RFTN2: variants seen among roughly 807,000 people sequenced by gnomAD.
RFTN2 encodes raftlin family member 2.
A neutral mutation model predicts 52.7 loss-of-function variants in RFTN2; 34 were observed. The observed-to-expected ratio is 0.64, with a 90% confidence interval of 0.49 to 0.86. The LOEUF is 0.86. Ranked by LOEUF, RFTN2 falls within the 40% of genes least tolerant of loss-of-function variation. RFTN2 has a pLI of 0.00. For missense variants in RFTN2, 536 were observed against 600.1 expected, an observed-to-expected ratio of 0.89 and a Z score of 1.12; for synonymous variants, 203 against 217.7, an observed-to-expected ratio of 0.93 and a Z score of 0.59.
At chr2:197,671,338 A>G (rs2089144526) in intron 1 of RFTN2, among the ~76,000 whole-genome samples, 1 of 152,212 alleles carries the variant, frequency 6.6e-6, no homozygotes. Context: ...TTAAAGTCCT[A>G]ACTCTAGTTC....
At chr2:197,629,675 TACACAC>T (rs60384360) in intron 5 of RFTN2, among the ~76,000 whole-genome samples, 208 of 146,600 alleles carry the variant, frequency 1.4e-3, no homozygotes, top group Middle Eastern at 3.4e-3. Context: ...TTAATTTTTA[TACACAC>T]ACACACACAC....
At chr2:197,614,705 G>A (rs1328578539) in intron 7 of RFTN2, among the ~76,000 whole-genome samples, 1 of 152,220 alleles carries the variant, frequency 6.6e-6, no homozygotes, top group African/African-American at 2.4e-5. Flanking sequence ...GTTTGAGCAT[G>A]CAGAGGGTGA....
At chr2:197,670,688 A>G (rs2089133086) in intron 1 of RFTN2, among the ~76,000 whole-genome samples, 1 of 151,964 alleles carries the variant, frequency 6.6e-6, no homozygotes, top group Non-Finnish European at 1.5e-5. Flanking sequence ...AAAAAAATCT[A>G]TTTCAATTCC....
chr2:197,583,897 G>A (rs529304355), intron 8 of RFTN2, among the ~76,000 whole-genome samples: 7 of 152,022 alleles, frequency 4.6e-5, no homozygotes, highest in Admixed American at 6.6e-5. Context: ...TTGTCCCTGC[G>A]ATAGTTTACT....
chr2:197,594,880 T>A (rs1407268014), intron 8 of RFTN2, among the ~76,000 whole-genome samples: 8 of 152,274 alleles, frequency 5.3e-5, no homozygotes, highest in Non-Finnish European at 1.2e-4. Context: ...ACAGTCAATC[T>A]AGCTCTTTGA....
chr2:197,602,067 A>T (rs1419554970), intron 7 of RFTN2, among the ~76,000 whole-genome samples: 8 of 151,806 alleles, frequency 5.3e-5, no homozygotes, highest in African/African-American at 1.9e-4. Context: ...TCTTTTTTTT[A>T]TTATTATTAT....
chr2:197,650,186 G>C (rs551505921), intron 1 of RFTN2, among the ~76,000 whole-genome samples: 7 of 151,988 alleles, frequency 4.6e-5, no homozygotes, highest in Non-Finnish European at 1.0e-4. Context: ...CAGTTCAGTA[G>C]TGTTAAGTAT....
In RFTN2 at chr2:197,607,344, G is replaced by C. The variant is rs140719273; in HGVS notation, c.1154+8532C>G. Among the ~76,000 whole-genome samples the C allele has an allele frequency of 1.3e-5, 2 of 152,066 alleles. 1 individual carries two copies. The highest frequency in any genetic ancestry group is 4.2e-4 in the South Asian group (2 of 4,808). ...GGGGACAGTTGTGGGGTGGAGGGAG[G>C]GGGCAGGGATAGCATTAGGAGATAT... On this transcript the variant is annotated intron_variant, in intron 7 of 8. Coordinates refer to ENST00000295049, the MANE Select transcript of RFTN2 (RefSeq NM_144629.3).
rs866546352 is a variant in RFTN2 at position 197,658,182 on chromosome 2, T to A, written c.140-11516A>T. The stretch of plus-strand genomic sequence containing the variant: ...TCTAAGACTATTTTTAAAAAATATT[T>A]TTTTTTTTTTTAGAAAAAAAAAATG... On this transcript the variant is annotated intron_variant, in intron 1 of 8. Transcript: ENST00000295049. 1.8e-3 allele frequency among the ~76,000 whole-genome samples: 264 copies of A among 149,566 alleles called. 6 individuals carry two copies. The South Asian group carries it at 0.028, about 16-fold the overall frequency.
chr2:197,632,078 A>G (rs1186698732), intron 4 of RFTN2, among the ~76,000 whole-genome samples: 2 of 152,218 alleles, frequency 1.3e-5, no homozygotes, highest in Non-Finnish European at 2.9e-5. Flanking sequence ...TAAGTACTAT[A>G]TTGGATTTAG....
In RFTN2 at chr2:197,633,283, AG is replaced by A. The variant is rs1356902162; in HGVS notation, c.718+434del. ...GTTTCACATTCTAGTTGATGATCAA[AG>A]AAAGCCAATTAATTTCAAAGGTTAA... is the stretch of plus-strand genomic sequence containing the variant. On this transcript the variant is annotated intron_variant, in intron 4 of 8. Coordinates refer to ENST00000295049, the MANE Select transcript of RFTN2 (RefSeq NM_144629.3). 7.4e-4 allele frequency among the ~76,000 whole-genome samples: 113 copies of A among 152,342 alleles called. 1 individual carries two copies. Among genetic ancestry groups the A allele is most frequent in the African/African-American group, 2.6e-3 (110 of 41,586 alleles).
chr2:197,588,100 C>T (rs568584673), intron 8 of RFTN2: 2 of 452,738 alleles, frequency 4.4e-6, no homozygotes, highest in South Asian at 3.4e-5. Context: ...ATAAAAATAA[C>T]ACACATTTAA....
chr2:197,599,986 G>C (rs1487528324), intron 7 of RFTN2, among the ~76,000 whole-genome samples: 4 of 152,116 alleles, frequency 2.6e-5, no homozygotes, highest in Non-Finnish European at 5.9e-5. Flanking sequence ...ATCGTCCCAA[G>C]TAGCTGGGAT....
intron 3 of RFTN2, among the ~76,000 whole-genome samples, chr2:197,636,666 A>T (rs1333417790): frequency 1.6e-3 from 216 of 134,606 alleles, no homozygotes; most frequent in Admixed American, 2.3e-3. Context: ...TTCTAGATAT[A>T]CAATCATGTC....
At chr2:197,647,368 C>G (rs548290644) in intron 1 of RFTN2, among the ~76,000 whole-genome samples, 188 of 152,196 alleles carry the variant, frequency 1.2e-3, no homozygotes, top group African/African-American at 4.4e-3. Context: ...TGCCACCACA[C>G]CCGGCTGAGT....
At chr2:197,590,620 T>G (rs549528764) in intron 8 of RFTN2, among the ~76,000 whole-genome samples, 8 of 152,222 alleles carry the variant, frequency 5.3e-5, no homozygotes, top group African/African-American at 1.9e-4. Flanking sequence ...AGTGTTATGG[T>G]TCTTAAAGGC....
At chr2:197,607,317 C>T (rs2087978373) in intron 7 of RFTN2, among the ~76,000 whole-genome samples, 2 of 151,944 alleles carry the variant, frequency 1.3e-5, no homozygotes, top group African/African-American at 4.8e-5. Context: ...ACATCACACT[C>T]TGGGGACAGT....
chr2:197,621,111 C>G (rs2088256221), intron 5 of RFTN2, among the ~76,000 whole-genome samples: 1 of 151,668 alleles, frequency 6.6e-6, no homozygotes, highest in East Asian at 1.9e-4. Flanking sequence ...CTGAAGTGAC[C>G]AGTGGAATCA....
At chr2:197,572,385 C>A in intron 8 of RFTN2, 105 bp from the exon 9 acceptor site, 1 of 1,115,694 alleles carries the variant, frequency 9.0e-7, no homozygotes. Flanking sequence ...TGTCCTTTTC[C>A]CCAGCTCTTC....
Sources: allele counts gnomAD v4.1 joint callset (sites outside exome capture counted in the v4.1 genomes callset), GRCh38; gene constraint gnomAD v4.1.1; transcripts MANE v1.5; gene names NCBI Gene and HGNC (gene_info 2026-07-23, HGNC 2026-07-21).